WNK2: variants seen among roughly 807,000 people sequenced by gnomAD.
WNK2 encodes serine/threonine-protein kinase WNK2.
A neutral mutation model predicts 192.1 loss-of-function variants in WNK2; 67 were observed. The observed-to-expected ratio is 0.35, with a 90% CI of 0.29 to 0.43. The LOEUF is 0.43. WNK2 is among the 20% of genes least tolerant of loss of function. The probability of loss-of-function intolerance (pLI) is 1.00; values close to 1 mark genes in which losing one functional copy is unlikely to be tolerated. For synonymous variants in WNK2, 1,439 were observed against 1,393.9 expected, an observed-to-expected ratio of 1.03 and a Z score of -0.72; for missense variants, 2,698 against 3,089.7, an observed-to-expected ratio of 0.87 and a Z score of 3.01.
In WNK2 at chr9:93,257,803, T is replaced by G. The variant is rs539921678; in HGVS notation, c.2382+664T>G. On this transcript the variant is annotated intron_variant, in intron 11 of 29. Coordinates refer to ENST00000427277, the MANE Select transcript of WNK2 (RefSeq NM_006648.4). This position sits in a 1 kb window ranked among gnomAD's most constrained non-coding sequence, Gnocchi z 4.7. ...GCTGAAGTGACTTCTGCTGTCTTTC[T>G]CTGGGTACACTGTCTTTCACTCGAG... 2.1e-3 allele frequency among the ~76,000 whole-genome samples: 327 copies of G among 152,324 alleles called. 2 individuals are homozygous for G. The highest frequency in any genetic ancestry group is 7.7e-3 in the African/African-American group (319 of 41,566).
At chr9:93,307,112 T>C (rs1453540236) in intron 27 of WNK2, 6 of 499,282 alleles carry the variant, frequency 1.2e-5, no homozygotes, top group Non-Finnish European at 2.2e-5. Flanking sequence ...ATTAATTGGC[T>C]CCTTTTCCAA....
chr9:93,305,162 G>A (rs1204286237), intron 26 of WNK2, among the ~76,000 whole-genome samples: 1 of 152,246 alleles, frequency 6.6e-6, no homozygotes, highest in Admixed American at 6.5e-5. Flanking sequence ...CACACCAAGA[G>A]CTGCCAGATA....
chr9:93,292,557 G>A lies in WNK2; in HGVS notation c.5092G>A (p.Glu1698Lys), dbSNP rs1849527329. 3.2e-6 allele frequency: 5 copies of A among 1,570,940 alleles called. No homozygotes were observed. The highest frequency in any genetic ancestry group is 4.3e-6 in the Non-Finnish European group (5 of 1,156,160). ...PTDRDGGEAGESSAEPPPSDM... is the reference protein window; with the variant it reads ...PTDRDGGEAGKSSAEPPPSDM... ...AGACAGGGATGGTGGAGAAGCTGGA[G>A]AAAGCTCGGCAGAGCCCCCGCCGAG... The change falls in exon 23 of 30, where the codon GAA becomes AAA. Residue 1698 changes from glutamate (E) to lysine (K), a missense_variant. Glu to Lys is a moderately conservative substitution (Grantham distance 56). Around this residue, in one of 7 missense-constraint regions of WNK2, gnomAD observed 1,098 missense variants for 1,101.0 expected, o/e 1.00. Coordinates refer to ENST00000427277, the MANE Select transcript of WNK2 (RefSeq NM_006648.4).
At chr9:93,194,916 G>T (rs1245972510) in intron 2 of WNK2, among the ~76,000 whole-genome samples, 1 of 152,036 alleles carries the variant, frequency 6.6e-6, no homozygotes, top group Admixed American at 6.6e-5. Context: ...ACAGAGAGGA[G>T]CCAGAAATGA....
chr9:93,243,368 C>T (rs1424475510), intron 7 of WNK2, among the ~76,000 whole-genome samples: 1 of 152,210 alleles, frequency 6.6e-6, no homozygotes. Flanking sequence ...CTGTGCCCAT[C>T]ACCACACAAG....
In WNK2 at chr9:93,268,159, G is replaced by A. The variant is rs1845463034; in HGVS notation, c.3913+94G>A. The A allele has an allele frequency of 2.2e-5, 33 of 1,504,002 alleles. 1 individual carries two copies. In the South Asian group the frequency reaches 2.7e-4, roughly 12 times the overall value. The allele number at this position is 1,504,002 out of a possible 1,614,324, so 93.2% of individuals were successfully genotyped here. A position where few individuals can be genotyped will look rare whatever the true frequency, so the allele number is the denominator to read the frequency against. Reference sequence around the variant, plus strand: ...CAGGGGTTTGGCCATTGCTTGGGGGGATTATGGAAGCATGTGGTGACCAGG... The same window carrying A: ...CAGGGGTTTGGCCATTGCTTGGGGGAATTATGGAAGCATGTGGTGACCAGG... On this transcript the variant is annotated intron_variant, in intron 18 of 29. Transcript: ENST00000427277.
At chr9:93,215,574 A>G (rs1257127167) in intron 2 of WNK2, among the ~76,000 whole-genome samples, 1 of 152,076 alleles carries the variant, frequency 6.6e-6, no homozygotes, top group African/African-American at 2.4e-5. Flanking sequence ...GCTGCCTTCC[A>G]GTTTGCTAAT....
intron 19 of WNK2, among the ~76,000 whole-genome samples, chr9:93,283,573 A>G (rs1490087556): frequency 6.6e-6 from 1 of 152,204 alleles, no homozygotes; most frequent in Non-Finnish European, 1.5e-5. Context: ...AGAAATAGAA[A>G]ATCTGAAAGG....
At chr9:93,303,991 G>A (rs747736271) in intron 26 of WNK2, among the ~76,000 whole-genome samples, 5 of 152,180 alleles carry the variant, frequency 3.3e-5, no homozygotes, top group Non-Finnish European at 7.4e-5. Flanking sequence ...AGGTGAAGCC[G>A]CCAGGGCACC....
chr9:93,298,332 G>C (rs1218516189), intron 24 of WNK2, among the ~76,000 whole-genome samples: 1 of 152,248 alleles, frequency 6.6e-6, no homozygotes, highest in Non-Finnish European at 1.5e-5. Flanking sequence ...GCTGTGGGCT[G>C]TGCCAGGGAA....
intron 2 of WNK2, among the ~76,000 whole-genome samples, chr9:93,225,818 G>A (rs1270529872): frequency 6.6e-6 from 1 of 152,166 alleles, no homozygotes; most frequent in East Asian, 1.9e-4. Context: ...CTTCCTGGGC[G>A]AACTGGCCTA....
Position 93,259,502 on chromosome 9 carries a change from T to G in WNK2, c.2954T>G (p.Met985Arg). The G allele has an allele frequency of 3.1e-6, 3 of 981,704 alleles. No individual in the cohort carries two copies. Among genetic ancestry groups the G allele is most frequent in the South Asian group, 1.3e-5 (1 of 74,358 alleles). The allele number at this position is 981,704 out of a possible 1,614,324, so 60.8% of individuals were successfully genotyped here. Reference sequence around the variant, plus strand: ...CAACCTGTGCTGCCCCCGCAACCCATGCTGCCCCCACAACCTGTGCTGCCC... The same window carrying G: ...CAACCTGTGCTGCCCCCGCAACCCAGGCTGCCCCCACAACCTGTGCTGCCC... ...PPQPVLPPQP[M>R]LPPQPVLPPQ... Residue 985 changes from methionine to arginine, a missense_variant, in exon 12 of 30, where the codon ATG becomes AGG. Physicochemically the swap from Met to Arg is moderately conservative, Grantham distance 91. This residue lies in a region of WNK2 where 893 missense variants were observed against 909.0 expected (regional missense o/e 0.98). Transcript: ENST00000427277. The surrounding 1 kb of genome is among the most constrained non-coding windows in gnomAD (Gnocchi z 4.8).
chr9:93,255,364 G>A (rs1487797088), intron 9 of WNK2, among the ~76,000 whole-genome samples: 1 of 152,172 alleles, frequency 6.6e-6, no homozygotes, highest in Non-Finnish European at 1.5e-5. Context: ...GGCCCTGCCC[G>A]AGCTCCTGGG....
chr9:93,314,856 C>T lies in WNK2; in HGVS notation c.6517-2664C>T, dbSNP rs542677885. 7.2e-5 allele frequency among the ~76,000 whole-genome samples: 11 copies of T among 152,152 alleles called. No homozygotes were observed. The East Asian group carries it at 1.9e-3, about 27-fold the overall frequency. On this transcript the variant is annotated intron_variant, in intron 28 of 29. Transcript: ENST00000427277. Reference sequence around the variant, plus strand: ...TGAGAGGAACGAGCAGGAGCATTGTCGTGATGGAGATGGACTCTCTGGGGA... The same window carrying T: ...TGAGAGGAACGAGCAGGAGCATTGTTGTGATGGAGATGGACTCTCTGGGGA...
At chr9:93,318,304 T>C (rs1855091460) in intron 29 of WNK2, 3 of 1,530,076 alleles carry the variant, frequency 2.0e-6, no homozygotes, top group Non-Finnish European at 2.6e-6. Flanking sequence ...TAAATGCCTT[T>C]TACAAACATT....
In WNK2 at chr9:93,257,919, G is replaced by C. The variant is rs575981050; in HGVS notation, c.2382+780G>C. ...GGCATGGAGGATTCTAGGTACTCCC[G>C]AGGGCTTCGGTGACCCGGACAGGCT... On this transcript the variant is annotated intron_variant, in intron 11 of 29. Coordinates refer to ENST00000427277, the MANE Select transcript of WNK2 (RefSeq NM_006648.4). This position sits in a 1 kb window ranked among gnomAD's most constrained non-coding sequence, Gnocchi z 4.7. 6.6e-6 allele frequency among the ~76,000 whole-genome samples: 1 copy of C among 152,218 alleles called. No homozygotes were observed. Among genetic ancestry groups the C allele is most frequent in the African/African-American group, 2.4e-5 (1 of 41,442 alleles).
chr9:93,240,016 TG>T (rs1488613291), intron 7 of WNK2, 40 bp downstream of exon 7: 3 of 1,571,650 alleles, frequency 1.9e-6, no homozygotes, highest in Non-Finnish European at 2.6e-6. Context: ...GTGCAGGTGT[TG>T]GCAGCTCGTG....
intron 2 of WNK2, among the ~76,000 whole-genome samples, chr9:93,201,929 A>C (rs1399489862): frequency 1.3e-5 from 2 of 152,214 alleles, no homozygotes; most frequent in Non-Finnish European, 2.9e-5. Context: ...GCTCCCACTC[A>C]CTGCAGGCCA....
In WNK2 at chr9:93,259,401, C is replaced by T. The variant is rs1302447013; in HGVS notation, c.2853C>T (p.Pro951=). ...QPALPPQPTL[P]PQPVLPPQPT... is the part of the protein sequence containing the mutation. ...CACTGCCTCCACAACCCACACTGCC[C>T]CCACAACCCGTGCTGCCCCCGCAAC... The change falls in exon 12 of 30, where the codon CCC becomes CCT. Residue 951 remains proline, a synonymous_variant. Coordinates refer to ENST00000427277, the MANE Select transcript of WNK2 (RefSeq NM_006648.4). The surrounding 1 kb of genome is among the most constrained non-coding windows in gnomAD (Gnocchi z 4.8). The T allele has an allele frequency of 4.4e-6, 7 of 1,593,462 alleles. No homozygotes were observed. Among genetic ancestry groups the T allele is most frequent in the Non-Finnish European group, 6.0e-6 (7 of 1,168,712 alleles).
Sources: gnomAD v4.1 joint callset for allele counts (sites outside exome capture counted in the v4.1 genomes callset) on GRCh38, gnomAD v4.1.1 for gene constraint, gnomAD v4.1.1 regional missense constraint, Gnocchi (gnomAD v3.1) non-coding constraint, MANE v1.5 for transcripts, NCBI Gene and HGNC (gene_info 2026-07-23, HGNC 2026-07-21) for gene names.